The following CCDC175 variants were observed in gnomAD, a reference collection of about 807,000 sequenced individuals.
CCDC175 encodes the protein coiled-coil domain-containing protein 175.
CCDC175 carries 100 observed loss-of-function variants against 114.6 expected under a neutral mutation model. That is an observed-to-expected ratio of 0.87 (90% confidence interval 0.74 to 1.03). The LOEUF is 1.03. CCDC175 is among the 50% of genes least tolerant of loss of function. The pLI, the probability that CCDC175 is intolerant of heterozygous loss-of-function variation, is 0.00. For missense variants in CCDC175, 880 were observed against 917.8 expected (o/e 0.96, Z 0.53); for synonymous variants, 306 against 308.7 (o/e 0.99, Z 0.09).
intron 14 of CCDC175, among the ~76,000 whole-genome samples, chr14:59,527,568 T>C (rs976294345): frequency 1.3e-5 from 2 of 152,202 alleles, no homozygotes; most frequent in Admixed American, 6.5e-5. Context: ...TAGATCATTA[T>C]GGCAATAAGG....
intron 8 of CCDC175, among the ~76,000 whole-genome samples, chr14:59,548,056 G>A: frequency 6.6e-6 from 1 of 152,102 alleles, no homozygotes; most frequent in East Asian, 1.9e-4. Flanking sequence ...CAACCTAGGT[G>A]TTCATCAGCC....
At chr14:59,562,033 A>G (rs998375724) in intron 6 of CCDC175, among the ~76,000 whole-genome samples, 2 of 152,236 alleles carry the variant, frequency 1.3e-5, no homozygotes, top group Non-Finnish European at 2.9e-5. Context: ...AGAGGTGGGT[A>G]AAAGCTACTC....
chr14:59,535,269 G>A (rs1445520819), intron 13 of CCDC175, among the ~76,000 whole-genome samples: 9 of 152,194 alleles, frequency 5.9e-5, no homozygotes, highest in Admixed American at 4.6e-4. Flanking sequence ...CAAGCCGAGT[G>A]CAGGCTGGAG....
At position 59,568,316 on chromosome 14, in the gene CCDC175, T is replaced by C; in HGVS notation, c.420A>G (p.Thr140=). 1 of 1,533,344 alleles carries C rather than the reference T, an allele frequency of 6.5e-7. No homozygotes were observed. The highest frequency in any genetic ancestry group is 8.7e-7 in the Non-Finnish European group (1 of 1,145,210). The allele number at this position is 1,533,344 out of a possible 1,614,324, so 95.0% of individuals were successfully genotyped here. ...GAAGCTCTATTTCATTCTCTGTCCT[T>C]GTAATTCTCATTTTTATTGTATTTA... ...FEINTIKMRI[T]RTENEIELLK... is the part of the protein sequence containing the mutation. Residue 140 remains threonine (T), a synonymous_variant, in exon 4 of 20, where the codon ACA becomes ACG. Transcript: ENST00000537690.
At position 59,547,069 on chromosome 14, in the gene CCDC175, G is replaced by C. The variant is rs111770278; in HGVS notation, c.1036-1770C>G. Among the ~76,000 whole-genome samples the C allele has an allele frequency of 2.1e-3, 321 of 152,034 alleles. 1 individual carries two copies. Among genetic ancestry groups the C allele is most frequent in the African/African-American group, 6.9e-3 (288 of 41,478 alleles). On this transcript the variant is annotated intron_variant, in intron 8 of 19. Transcript: ENST00000537690. ...AGCCTGGGCAACACAGGGAGAATAG[G>C]ACAAAAGAAACAGGTGAGGACATAA...
chr14:59,514,769 C>A (rs1383348749), intron 17 of CCDC175, among the ~76,000 whole-genome samples: 1 of 152,116 alleles, frequency 6.6e-6, no homozygotes, highest in Non-Finnish European at 1.5e-5. Context: ...AGAACTTCCC[C>A]AATCTAGCAA....
intron 16 of CCDC175, among the ~76,000 whole-genome samples, chr14:59,524,616 G>A (rs776887607): frequency 6.6e-6 from 1 of 152,168 alleles, no homozygotes; most frequent in Non-Finnish European, 1.5e-5. Flanking sequence ...TGCATTGCTG[G>A]TGGGAGTGGC....
At chr14:59,534,027 C>T (rs1042063925) in intron 13 of CCDC175, among the ~76,000 whole-genome samples, 1 of 149,518 alleles carries the variant, frequency 6.7e-6, no homozygotes, top group African/African-American at 2.5e-5. Flanking sequence ...CCTGTATTAT[C>T]CATACTAGGT....
At chr14:59,559,138 A>G (rs990056351) in intron 7 of CCDC175, among the ~76,000 whole-genome samples, 2 of 152,166 alleles carry the variant, frequency 1.3e-5, no homozygotes, top group Non-Finnish European at 2.9e-5. Context: ...TAGTCTCCAT[A>G]ACCTCATACA....
chr14:59,540,619 T>A (rs1566614772), intron 11 of CCDC175, 56 bp downstream of exon 11: 1 of 1,482,222 alleles, frequency 6.7e-7, no homozygotes, highest in East Asian at 2.5e-5. Flanking sequence ...AGATAACATA[T>A]ACTGCTGATA....
chr14:59,566,892 A>T (rs1304339303), intron 4 of CCDC175, among the ~76,000 whole-genome samples: 1 of 152,160 alleles, frequency 6.6e-6, no homozygotes, highest in Non-Finnish European at 1.5e-5. Flanking sequence ...CTTTCCGTAA[A>T]GATTTGTCTA....
rs1218475560 is a variant in CCDC175, at chr14:59,566,154, G to A, written c.492-879C>T. On this transcript the variant is annotated intron_variant, in intron 4 of 19. Coordinates refer to ENST00000537690, the MANE Select transcript of CCDC175 (RefSeq NM_001164399.2). ...TGAGCCCTCTTACCTTCTCCCAGCTGTAGCCAACTCTGAGCTCAATAGGAG... is the reference window on the plus strand; with the variant it reads ...TGAGCCCTCTTACCTTCTCCCAGCTATAGCCAACTCTGAGCTCAATAGGAG... 2.0e-5 allele frequency among the ~76,000 whole-genome samples: 3 copies of A among 152,286 alleles called. No homozygotes were observed. In the East Asian group the frequency reaches 5.8e-4, roughly 29 times the overall value.
At chr14:59,564,980 T>C in intron 5 of CCDC175, 67 bp downstream of exon 5, 1 of 1,202,556 alleles carries the variant, frequency 8.3e-7, no homozygotes, top group Non-Finnish European at 1.1e-6. Context: ...ACAAATAAAT[T>C]ATTTCCCATT....
At chr14:59,548,276 G>C (rs1895236664) in intron 8 of CCDC175, among the ~76,000 whole-genome samples, 1 of 152,122 alleles carries the variant, frequency 6.6e-6, no homozygotes, top group Non-Finnish European at 1.5e-5. Context: ...AGAGTAGAAT[G>C]GTGGTTGCCA....
chr14:59,553,089 A>G (rs1301650402), intron 7 of CCDC175, among the ~76,000 whole-genome samples: 4 of 152,336 alleles, frequency 2.6e-5, no homozygotes, highest in African/African-American at 4.8e-5. Context: ...GCAGGCCAAC[A>G]TTCAAATTCA....
intron 2 of CCDC175, among the ~76,000 whole-genome samples, chr14:59,573,603 GT>G (rs1243447861): frequency 1.1e-5 from 1 of 88,924 alleles, no homozygotes; most frequent in South Asian, 5.4e-4. Flanking sequence ...GATTGATCTG[GT>G]TTTTTGTTTT....
intron 14 of CCDC175, among the ~76,000 whole-genome samples, chr14:59,530,346 A>G (rs2140003031): frequency 6.6e-6 from 1 of 151,804 alleles, no homozygotes; most frequent in African/African-American, 2.4e-5. Context: ...CAGCCTGGAC[A>G]ACAGAGTGAG....
intron 8 of CCDC175, among the ~76,000 whole-genome samples, chr14:59,549,255 G>A (rs1895305241): frequency 2.6e-5 from 4 of 152,166 alleles, no homozygotes. Flanking sequence ...GCTCACGCCT[G>A]TAATCCCCAG....
At chr14:59,535,893 C>A (rs1894364313) in intron 13 of CCDC175, among the ~76,000 whole-genome samples, 1 of 144,890 alleles carries the variant, frequency 6.9e-6, no homozygotes, top group African/African-American at 2.6e-5. Flanking sequence ...GCTATCTAGC[C>A]AATATCATGC....
Sources: allele counts gnomAD v4.1 joint callset (sites outside exome capture counted in the v4.1 genomes callset), GRCh38; gene constraint gnomAD v4.1.1; transcripts MANE v1.5; gene names NCBI Gene and HGNC (gene_info 2026-07-23, HGNC 2026-07-21).